Variants in FAM184B observed in about 807,000 individuals in gnomAD.
FAM184B encodes family with sequence similarity 184 member B, also known as protein FAM184B.
FAM184B carries 111 observed loss-of-function variants against 135.9 expected under a neutral mutation model. The ratio of observed to expected loss-of-function variants is 0.82; its 90% CI spans 0.70 to 0.96. FAM184B has a LOEUF of 0.96. FAM184B is among the 40% of genes least tolerant of loss of function. The probability of loss-of-function intolerance (pLI) is 0.00; values close to 1 mark genes in which losing one functional copy is unlikely to be tolerated. For synonymous variants in FAM184B, 552 were observed against 524.8 expected (o/e 1.05, Z -0.71); for missense variants, 1,375 against 1,323.9 (o/e 1.04, Z -0.60).
At chr4:17,700,064 C>T (rs563320103) in intron 5 of FAM184B, among the ~76,000 whole-genome samples, 2 of 152,154 alleles carry the variant, frequency 1.3e-5, no homozygotes, top group African/African-American at 4.8e-5. Flanking sequence ...AGAGAGCATA[C>T]CTAGTAAGTC....
intron 1 of FAM184B, among the ~76,000 whole-genome samples, chr4:17,728,184 G>A (rs909830845): frequency 2.0e-5 from 3 of 152,120 alleles, no homozygotes; most frequent in Non-Finnish European, 4.4e-5. Context: ...AGGTAGTGAT[G>A]ATGAGGATGA....
In FAM184B at chr4:17,707,748, T is replaced by A. The variant is rs1177621464; in HGVS notation, c.931A>T (p.Asn311Tyr). ...TTTGCAGTGCCTTTCAACTCTGAAT[T>A]CTCCTGTCGAGCCTCCTTAAGCTGC... ...DVQLKEARQENSELKGTAKKL... is the reference protein window; with the variant it reads ...DVQLKEARQEYSELKGTAKKL... The change falls in exon 3 of 18, where the codon AAT becomes TAT. Residue 311 changes from asparagine (N) to tyrosine (Y), a missense_variant. By Grantham distance (143) the Asn-to-Tyr change is moderately radical. Transcript: ENST00000265018. 3.9e-6 allele frequency: 6 copies of A among 1,551,878 alleles called. No individual in the cohort carries two copies. The highest frequency in any genetic ancestry group is 2.0e-5 in the Admixed American group (1 of 51,000).
rs34337003 is a variant in FAM184B, at chr4:17,688,680, C to CTTTTTT, written c.1489-155_1489-150dup. ...ATTCTACACACACTTCTAGAAATGC[C>CTTTTTT]TTTTTTTTTTTTTTTTTTTTTTTTT... On this transcript the variant is annotated intron_variant, in intron 6 of 17. Transcript: ENST00000265018. 107 of 117,922 alleles carry CTTTTTT rather than the reference C, an allele frequency of 9.1e-4. 10 individuals carry two copies. Among genetic ancestry groups the CTTTTTT allele is most frequent in the East Asian group, 8.6e-3 (36 of 4,176 alleles). 7.3% of individuals were successfully genotyped at this position (117,922 alleles called of 1,614,324 possible). A position where few individuals can be genotyped will look rare whatever the true frequency, so the allele number is the denominator to read the frequency against.
chr4:17,633,510 G>C (rs1355566767), intron 17 of FAM184B, 179 bp downstream of exon 17: 1 of 541,600 alleles, frequency 1.8e-6, no homozygotes, highest in Non-Finnish European at 3.2e-6. Context: ...GCCAGATGGA[G>C]TCCACCTTTT....
chr4:17,641,314 T>A (rs55939327), intron 13 of FAM184B, among the ~76,000 whole-genome samples: 79,427 of 151,760 alleles, frequency 0.52, 23,370 homozygotes, highest in East Asian at 0.88. Flanking sequence ...CACAGCTAAT[T>A]AAGAGCGCAC....
chr4:17,739,555 G>GTCTTTTTTTTTTTT (rs1553841413), intron 1 of FAM184B, among the ~76,000 whole-genome samples: 1 of 62,510 alleles, frequency 1.6e-5, no homozygotes. Flanking sequence ...CATACCAACT[G>GTCTTTTTTTTTTTT]TTTTTTTTTT....
intron 15 of FAM184B, among the ~76,000 whole-genome samples, chr4:17,635,448 T>G (rs534891785): frequency 6.6e-6 from 1 of 152,300 alleles, no homozygotes; most frequent in South Asian, 2.1e-4. Context: ...TTTGCCGCCT[T>G]TCTTCCTCTG....
chr4:17,636,753 G>A (rs769934202), intron 14 of FAM184B, 108 bp from the exon 15 acceptor site: 60 of 965,016 alleles, frequency 6.2e-5, no homozygotes, highest in Non-Finnish European at 8.5e-5. Context: ...GCCCGGCCAG[G>A]GAGGCCCAGA....
At chr4:17,641,088 C>G (rs1457111584) in intron 13 of FAM184B, among the ~76,000 whole-genome samples, 1 of 152,184 alleles carries the variant, frequency 6.6e-6, no homozygotes, top group Admixed American at 6.5e-5. Flanking sequence ...CATGCACCAC[C>G]ACGCTTGGCC....
chr4:17,757,986 G>C (rs1164997228), intron 1 of FAM184B, among the ~76,000 whole-genome samples: 2 of 152,110 alleles, frequency 1.3e-5, no homozygotes, highest in Non-Finnish European at 2.9e-5. Flanking sequence ...ATATCCAACT[G>C]CCTCCTTGAA....
At chr4:17,679,840 C>T (rs934024248) in intron 7 of FAM184B, among the ~76,000 whole-genome samples, 2 of 152,150 alleles carry the variant, frequency 1.3e-5, no homozygotes, top group African/African-American at 2.4e-5. Flanking sequence ...GAATACTACT[C>T]AGCCATAAAA....
At chr4:17,765,987 G>A (rs1357169446) in intron 1 of FAM184B, among the ~76,000 whole-genome samples, 4 of 152,142 alleles carry the variant, frequency 2.6e-5, no homozygotes, top group Non-Finnish European at 5.9e-5. Flanking sequence ...CCCCCCGGCA[G>A]GTTCATGATC....
At chr4:17,648,811 G>A (rs1715534254) in intron 11 of FAM184B, among the ~76,000 whole-genome samples, 1 of 152,072 alleles carries the variant, frequency 6.6e-6, no homozygotes, top group African/African-American at 2.4e-5. Flanking sequence ...TAAACTCAGG[G>A]GAGAGTAAGG....
intron 11 of FAM184B, among the ~76,000 whole-genome samples, chr4:17,651,537 CAA>C (rs751455835): frequency 5.6e-4 from 24 of 43,112 alleles, no homozygotes; most frequent in African/African-American, 1.7e-3. Context: ...GACTCTGTCT[CAA>C]AAAAAAAAAA....
At chr4:17,639,454 G>A in intron 13 of FAM184B, 58 bp from the exon 14 acceptor site, 1 of 1,536,780 alleles carries the variant, frequency 6.5e-7, no homozygotes, top group South Asian at 1.2e-5. Context: ...CACCCCTTGG[G>A]CTCTGGGGTT....
chr4:17,677,614 C>T (rs1429507097), intron 7 of FAM184B, among the ~76,000 whole-genome samples: 1 of 152,118 alleles, frequency 6.6e-6, no homozygotes, highest in Non-Finnish European at 1.5e-5. Flanking sequence ...TCATATTAAT[C>T]CTATTGACAC....
At chr4:17,648,831 C>T (rs1354481306) in intron 11 of FAM184B, among the ~76,000 whole-genome samples, 8 of 152,100 alleles carry the variant, frequency 5.3e-5, no homozygotes, top group Admixed American at 4.6e-4. Flanking sequence ...GCCAGAAACT[C>T]GAGCTTCCAA....
rs922640397 is a variant in FAM184B, at chr4:17,659,977, T to C, written c.1805A>G (p.Lys602Arg). 2.6e-6 allele frequency: 4 copies of C among 1,551,168 alleles called. No individual in the cohort carries two copies. Among genetic ancestry groups the C allele is most frequent in the Non-Finnish European group, 3.5e-6 (4 of 1,146,992 alleles). ...TCCTACCTGGGCTTGCAATTTGGCC[T>C]TCTGGCTTTGCCAGTCCTCCTCTAG... ...QRLEEDWQSQKAKLQAQVSQM... is the reference protein window; with the variant it reads ...QRLEEDWQSQRAKLQAQVSQM... Residue 602 changes from lysine to arginine, a missense_variant, in exon 9 of 18, where the codon AAG becomes AGG. Coordinates refer to ENST00000265018, the MANE Select transcript of FAM184B (RefSeq NM_015688.2).
At chr4:17,736,090 C>T (rs1306177379) in intron 1 of FAM184B, among the ~76,000 whole-genome samples, 2 of 152,136 alleles carry the variant, frequency 1.3e-5, no homozygotes. Context: ...CAACATCTTC[C>T]TATACCTTCT....
Sources: allele counts gnomAD v4.1 joint callset (sites outside exome capture counted in the v4.1 genomes callset), GRCh38; gene constraint gnomAD v4.1.1; transcripts MANE v1.5; gene names NCBI Gene and HGNC (gene_info 2026-07-23, HGNC 2026-07-21).